EYA4: variants seen among roughly 807,000 people sequenced by gnomAD.
EYA4 encodes the protein EYA transcriptional coactivator and phosphatase 4.
In EYA4, 31 loss-of-function variants were observed where a neutral mutation model predicts 87.9. That is an observed-to-expected ratio of 0.35 (90% CI 0.27 to 0.48). EYA4 has a LOEUF of 0.48. Ranked by LOEUF, EYA4 falls within the 20% of genes least tolerant of loss-of-function variation. The pLI, the probability that EYA4 is intolerant of heterozygous loss-of-function variation, is 0.99. For missense variants in EYA4, 678 were observed against 761.4 expected, an observed-to-expected ratio of 0.89 and a Z score of 1.29; for synonymous variants, 263 against 270.6, an observed-to-expected ratio of 0.97 and a Z score of 0.28.
chr6:133,250,413 G>A (rs1388526284), intron 1 of EYA4, among the ~76,000 whole-genome samples: 3 of 151,964 alleles, frequency 2.0e-5, no homozygotes, highest in African/African-American at 4.8e-5. Flanking sequence ...AGGCCGAGGC[G>A]GATGGATCAC....
At chr6:133,332,378 C>A (rs1782030363) in intron 2 of EYA4, among the ~76,000 whole-genome samples, 1 of 152,190 alleles carries the variant, frequency 6.6e-6, no homozygotes, top group South Asian at 2.1e-4. Context: ...AACAAGGCTT[C>A]TCCCACTCCT....
chr6:133,485,522 C>G (rs572199132), intron 13 of EYA4, among the ~76,000 whole-genome samples: 29 of 152,260 alleles, frequency 1.9e-4, no homozygotes, highest in African/African-American at 6.7e-4. Flanking sequence ...GTCCTGGGGC[C>G]CCAGATTCTT....
intron 14 of EYA4, among the ~76,000 whole-genome samples, chr6:133,512,122 A>G (rs1799204556): frequency 2.0e-5 from 3 of 152,188 alleles, no homozygotes; most frequent in Admixed American, 1.3e-4. Context: ...GAAAATTTAA[A>G]AACTTGACAA....
intron 1 of EYA4, among the ~76,000 whole-genome samples, chr6:133,274,376 A>C (rs891989628): frequency 2.2e-4 from 34 of 152,090 alleles, no homozygotes; most frequent in Admixed American, 1.5e-3. Flanking sequence ...GTTAATTCAA[A>C]CTCTTGATTG....
rs569837013 is a variant in EYA4 at position 133,505,736 on chromosome 6, A to C, written c.1192-370A>C. 4.6e-5 allele frequency among the ~76,000 whole-genome samples: 7 copies of C among 152,236 alleles called. No individual in the cohort carries two copies. In the South Asian group the frequency reaches 1.4e-3, roughly 31 times the overall value. Reference sequence around the variant, plus strand: ...AAAAAGACATCCTTTCTTTTTAGTAAGTTTGCTCCATTCTTCAGCACCCCA... The same window carrying C: ...AAAAAGACATCCTTTCTTTTTAGTACGTTTGCTCCATTCTTCAGCACCCCA... On this transcript the variant is annotated intron_variant, in intron 13 of 19. Transcript: ENST00000355286.
chr6:133,460,290 G>A (rs1402098189), intron 6 of EYA4, among the ~76,000 whole-genome samples: 2 of 152,174 alleles, frequency 1.3e-5, no homozygotes, highest in Admixed American at 1.3e-4. Flanking sequence ...TGGCTCTAAG[G>A]GAACTGGCTC....
At chr6:133,477,298 A>G (rs562884332) in intron 11 of EYA4, among the ~76,000 whole-genome samples, 35 of 152,200 alleles carry the variant, frequency 2.3e-4, no homozygotes, top group African/African-American at 7.2e-4. Flanking sequence ...CTTCTTTTAG[A>G]TAATACCATT....
chr6:133,505,001 A>C (rs1019653055), intron 13 of EYA4, among the ~76,000 whole-genome samples: 21 of 152,198 alleles, frequency 1.4e-4, no homozygotes, highest in African/African-American at 4.8e-4. Flanking sequence ...CTTCCCAGCC[A>C]AAACCAATAG....
At chr6:133,386,222 A>G (rs1243324325) in intron 3 of EYA4, among the ~76,000 whole-genome samples, 4 of 152,094 alleles carry the variant, frequency 2.6e-5, no homozygotes, top group Non-Finnish European at 5.9e-5. Context: ...TTTTGCATTG[A>G]TGTTTTTTTC....
chr6:133,363,953 C>T (rs1784663896), intron 2 of EYA4, among the ~76,000 whole-genome samples: 1 of 152,166 alleles, frequency 6.6e-6, no homozygotes, highest in Non-Finnish European at 1.5e-5. Context: ...GCTCTAATCT[C>T]CCACTCTGCT....
intron 2 of EYA4, among the ~76,000 whole-genome samples, chr6:133,282,973 T>A (rs2128284318): frequency 6.6e-6 from 1 of 152,318 alleles, no homozygotes; most frequent in South Asian, 2.1e-4. Context: ...TATTGTTATC[T>A]AATAATTCTA....
intron 2 of EYA4, among the ~76,000 whole-genome samples, chr6:133,298,865 T>C (rs2128309909): frequency 6.6e-6 from 1 of 152,358 alleles, no homozygotes; most frequent in South Asian, 2.1e-4. Context: ...AACACCTTCA[T>C]TGACCGAATG....
chr6:133,443,204 AT>A (rs34535473), intron 3 of EYA4, among the ~76,000 whole-genome samples: 19 of 151,400 alleles, frequency 1.3e-4, no homozygotes, highest in African/African-American at 3.9e-4. Context: ...ACTAAAAAAA[AT>A]TTTTTTTTAA....
intron 6 of EYA4, 146 bp from the exon 7 acceptor site, chr6:133,460,968 G>A (rs1211572411): frequency 1.4e-6 from 1 of 701,126 alleles, no homozygotes; most frequent in Non-Finnish European, 2.6e-6. Context: ...TTAGGAGAAA[G>A]TGTTTAGGCA....
intron 2 of EYA4, among the ~76,000 whole-genome samples, chr6:133,344,330 A>G (rs1276661629): frequency 6.6e-6 from 1 of 152,226 alleles, no homozygotes; most frequent in East Asian, 1.9e-4. Flanking sequence ...AGAGATATCT[A>G]TGCCCCTTTC....
intron 2 of EYA4, among the ~76,000 whole-genome samples, chr6:133,287,709 A>G (rs1778176250): frequency 1.3e-5 from 2 of 152,238 alleles, no homozygotes; most frequent in Admixed American, 1.3e-4. Context: ...TTTCGGCAAG[A>G]GATTAATATA....
chr6:133,420,830 A>C (rs1562400131), intron 3 of EYA4, among the ~76,000 whole-genome samples: 1 of 152,220 alleles, frequency 6.6e-6, no homozygotes, highest in African/African-American at 2.4e-5. Flanking sequence ...AGCCCAGGGA[A>C]TCAGACAAGT....
At chr6:133,301,141 GA>G (rs34361644) in intron 2 of EYA4, among the ~76,000 whole-genome samples, 33,796 of 152,110 alleles carry the variant, frequency 0.22, 4,835 homozygotes, top group Middle Eastern at 0.32. Flanking sequence ...CGTTCTGTAT[GA>G]GGGTTTTTTG....
In EYA4 at chr6:133,462,608, A is replaced by T. The variant is rs1583346257; in HGVS notation, c.581-13A>T. ...ACTAATTAAATGGTTTACACATTCA[A>T]TTTTCTGAACAGATTTGGGTGTGAT... On this transcript the variant is annotated splice_polypyrimidine_tract_variant and intron_variant, in intron 8 of 19. Coordinates refer to ENST00000355286, the MANE Select transcript of EYA4 (RefSeq NM_004100.5). 6.2e-7 allele frequency: 1 copy of T among 1,613,990 alleles called. No individual in the cohort carries two copies. Among genetic ancestry groups the T allele is most frequent in the Non-Finnish European group, 8.5e-7 (1 of 1,179,928 alleles).
Sources: allele counts gnomAD v4.1 joint callset (sites outside exome capture counted in the v4.1 genomes callset), GRCh38; gene constraint gnomAD v4.1.1; transcripts MANE v1.5; gene names NCBI Gene and HGNC (gene_info 2026-07-23, HGNC 2026-07-21).